ADAMTS2: variants seen among roughly 807,000 people sequenced by gnomAD.
The protein encoded by ADAMTS2 is ADAM metallopeptidase with thrombospondin type 1 motif 2, also known as A disintegrin and metalloproteinase with thrombospondin motifs 2.
In ADAMTS2, 50 loss-of-function variants were observed where a neutral mutation model predicts 123.0. That is an observed-to-expected ratio of 0.41 (90% confidence interval 0.32 to 0.51). ADAMTS2 has a LOEUF of 0.51. Among genes scored for constraint, ADAMTS2 ranks in the 20% least tolerant of loss-of-function variants. The probability of loss-of-function intolerance (pLI) is 0.35; values close to 1 mark genes in which losing one functional copy is unlikely to be tolerated. For missense variants in ADAMTS2, 1,494 were observed against 1,705.2 expected (o/e 0.88, Z 2.18); for synonymous variants, 678 against 695.4 (o/e 0.98, Z 0.39).
rs1194098228 is a variant in ADAMTS2, at chr5:179,314,683, T to C, written c.534+29084A>G. Among the ~76,000 whole-genome samples, 1 of 151,668 alleles carries C rather than the reference T, an allele frequency of 6.6e-6. No individual in the cohort carries two copies. The highest frequency in any genetic ancestry group is 1.9e-4 in the East Asian group (1 of 5,152). On this transcript the variant is annotated intron_variant, in intron 2 of 21. Coordinates refer to ENST00000251582, the MANE Select transcript of ADAMTS2 (RefSeq NM_014244.5). This position sits in a 1 kb window ranked among gnomAD's most constrained non-coding sequence, Gnocchi z 4.5. ...GTGACGGGCCAGAATTACAAGCCCC[T>C]GATTCTGGGGGCTTCCACGCTCTTC... is the stretch of plus-strand genomic sequence containing the variant.
intron 4 of ADAMTS2, among the ~76,000 whole-genome samples, chr5:179,203,700 G>GA (rs927815187): frequency 1.5e-4 from 23 of 151,604 alleles, no homozygotes; most frequent in Non-Finnish European, 3.4e-4. Flanking sequence ...CCGTAAAAAA[G>GA]AAAAAAAAGA....
chr5:179,323,059 T>C (rs1242061818), intron 2 of ADAMTS2, among the ~76,000 whole-genome samples: 2 of 152,054 alleles, frequency 1.3e-5, no homozygotes, highest in African/African-American at 2.4e-5. Flanking sequence ...AGACTGACAG[T>C]CTCCACAAAA....
At chr5:179,339,982 G>A (rs1284212527) in intron 2 of ADAMTS2, among the ~76,000 whole-genome samples, 1 of 152,252 alleles carries the variant, frequency 6.6e-6, no homozygotes, top group Non-Finnish European at 1.5e-5. Flanking sequence ...GACAGAGTGG[G>A]TGCCTGGCCC....
At chr5:179,126,182 G>A in intron 17 of ADAMTS2, 52 bp from the exon 18 acceptor site, 4 of 1,611,026 alleles carry the variant, frequency 2.5e-6, no homozygotes, top group Non-Finnish European at 3.4e-6. Flanking sequence ...CCCTGCCCGA[G>A]GGTGCAAGGA....
intron 10 of ADAMTS2, among the ~76,000 whole-genome samples, chr5:179,150,274 C>G (rs886656782): frequency 1.3e-5 from 2 of 152,220 alleles, no homozygotes; most frequent in African/African-American, 4.8e-5. Flanking sequence ...CCGAAGCTCC[C>G]CCTGGGGCCA....
chr5:179,288,280 G>A (rs1053246448), intron 2 of ADAMTS2, among the ~76,000 whole-genome samples: 19 of 152,312 alleles, frequency 1.2e-4, no homozygotes, highest in Middle Eastern at 3.4e-3. Flanking sequence ...GCTGACCGCC[G>A]ACCGTCCTCT....
At chr5:179,306,780 G>C (rs776810987) in intron 2 of ADAMTS2, among the ~76,000 whole-genome samples, 1 of 152,182 alleles carries the variant, frequency 6.6e-6, no homozygotes, top group South Asian at 2.1e-4. Flanking sequence ...TGCCAAGCCC[G>C]GTGCCAGCAG....
chr5:179,345,079 C>T lies in ADAMTS2; in HGVS notation c.139+111G>A. On this transcript the variant is annotated intron_variant, in intron 1 of 21. Coordinates refer to ENST00000251582, the MANE Select transcript of ADAMTS2 (RefSeq NM_014244.5). The surrounding 1 kb of genome is among the most constrained non-coding windows in gnomAD (Gnocchi z 7.5). ...CCAACTTGGCCCCGGGCGGGGCGCG[C>T]GGAGTTTGCCCAAGTCAGGCTGGAC... is the stretch of plus-strand genomic sequence containing the variant. 1.2e-6 allele frequency: 1 copy of T among 847,812 alleles called. No homozygotes were observed. Among genetic ancestry groups the T allele is most frequent in the Non-Finnish European group, 1.4e-6 (1 of 693,452 alleles). 52.5% of individuals were successfully genotyped at this position (847,812 alleles called of 1,614,324 possible). A position where few individuals can be genotyped will look rare whatever the true frequency, so the allele number is the denominator to read the frequency against.
At position 179,303,503 on chromosome 5, in the gene ADAMTS2, G is replaced by A. The variant is rs528963634; in HGVS notation, c.535-30439C>T. Among the ~76,000 whole-genome samples the A allele has an allele frequency of 1.1e-4, 16 of 152,306 alleles. No individual in the cohort carries two copies. Among genetic ancestry groups the A allele is most frequent in the African/African-American group, 3.6e-4 (15 of 41,566 alleles). On this transcript the variant is annotated intron_variant, in intron 2 of 21. Coordinates refer to ENST00000251582, the MANE Select transcript of ADAMTS2 (RefSeq NM_014244.5). This position sits in a 1 kb window ranked among gnomAD's most constrained non-coding sequence, Gnocchi z 4.7. ...TCATTCTCTGGTATTCCTCAGCCTA[G>A]ATACAAGGCAGGTCAAACTCCAGAA...
intron 5 of ADAMTS2, among the ~76,000 whole-genome samples, chr5:179,166,356 C>G (rs376263684): frequency 2.6e-5 from 4 of 152,318 alleles, no homozygotes; most frequent in African/African-American, 9.6e-5. Context: ...CCCAGGGATC[C>G]CACCATGAGG....
chr5:179,127,716 G>A (rs1459234738), intron 17 of ADAMTS2, among the ~76,000 whole-genome samples: 2 of 152,028 alleles, frequency 1.3e-5, no homozygotes, highest in Non-Finnish European at 2.9e-5. Context: ...ACTGAAGCAG[G>A]CCCACAAATA....
intron 2 of ADAMTS2, among the ~76,000 whole-genome samples, chr5:179,280,638 G>A (rs366480): frequency 7.9e-5 from 12 of 152,042 alleles, no homozygotes; most frequent in African/African-American, 2.7e-4. Context: ...CCCAGCAGCC[G>A]TCTGTCCCTG....
At chr5:179,250,715 T>C (rs1404554892) in intron 3 of ADAMTS2, among the ~76,000 whole-genome samples, 1 of 152,122 alleles carries the variant, frequency 6.6e-6, no homozygotes, top group African/African-American at 2.4e-5. Context: ...GGCCACTGGG[T>C]TGGTCATGCG....
intron 5 of ADAMTS2, among the ~76,000 whole-genome samples, chr5:179,173,992 A>C (rs1763883064): frequency 6.6e-6 from 1 of 150,870 alleles, no homozygotes; most frequent in South Asian, 2.1e-4. Flanking sequence ...CAGCCTGGGC[A>C]ACAGAGCAAG....
At chr5:179,227,209 A>T (rs1461121945) in intron 3 of ADAMTS2, among the ~76,000 whole-genome samples, 1 of 152,156 alleles carries the variant, frequency 6.6e-6, no homozygotes, top group East Asian at 1.9e-4. Flanking sequence ...TGCAGAAAGG[A>T]GCTGAGTTCC....
intron 2 of ADAMTS2, among the ~76,000 whole-genome samples, chr5:179,326,201 C>CGTGTGTGTGTGTGT (rs60626964): frequency 9.4e-5 from 14 of 148,594 alleles, no homozygotes; most frequent in African/African-American, 3.0e-4. Context: ...TTTGTGTGTG[C>CGTGTGTGTGTGTGT]GTGTGTGTGT....
intron 6 of ADAMTS2, among the ~76,000 whole-genome samples, chr5:179,156,151 G>A (rs1763465435): frequency 6.6e-6 from 1 of 152,026 alleles, no homozygotes; most frequent in Non-Finnish European, 1.5e-5. Context: ...CATTACAGGA[G>A]CCTGCGAGAT....
intron 11 of ADAMTS2, 145 bp from the exon 12 acceptor site, chr5:179,138,089 C>T (rs1763097847): frequency 1.1e-6 from 1 of 914,178 alleles, no homozygotes; most frequent in Non-Finnish European, 1.7e-6. Context: ...CCTTGCCCTG[C>T]CATGTCCTAG....
intron 11 of ADAMTS2, among the ~76,000 whole-genome samples, chr5:179,138,857 A>T (rs1190067192): frequency 6.6e-6 from 1 of 152,144 alleles, no homozygotes; most frequent in Non-Finnish European, 1.5e-5. Context: ...AGTGAACAGG[A>T]CCCAGGAGCG....
Sources: allele counts gnomAD v4.1 joint callset (sites outside exome capture counted in the v4.1 genomes callset), GRCh38; gene constraint gnomAD v4.1.1; non-coding constraint Gnocchi (gnomAD v3.1); transcripts MANE v1.5; gene names NCBI Gene and HGNC (gene_info 2026-07-23, HGNC 2026-07-21).